Variants in NIN observed in about 807,000 individuals in gnomAD.
The protein encoded by NIN is glycogen synthase kinase 3 beta-interacting protein.
Under a neutral mutation model 257.6 loss-of-function variants are expected in NIN, and 137 were observed. The ratio of observed to expected loss-of-function variants is 0.53; its 90% CI spans 0.46 to 0.61. NIN has a LOEUF of 0.61. Among genes scored for constraint, NIN ranks in the 20% least tolerant of loss-of-function variants. The pLI is 0.00. For synonymous variants in NIN, 918 were observed against 919.8 expected (o/e 1.00, Z 0.04); for missense variants, 2,439 against 2,501.2 (o/e 0.98, Z 0.53).
intron 2 of NIN, among the ~76,000 whole-genome samples, chr14:50,826,909 C>T (rs2045481747): frequency 1.3e-5 from 2 of 152,192 alleles, no homozygotes. Flanking sequence ...GCTTTTGGAC[C>T]TGTGTGCAGA....
rs1382332729 is a variant in NIN, at chr14:50,737,643, G to GT, written c.5775+496dup. On this transcript the variant is annotated intron_variant, in intron 27 of 30. Coordinates refer to ENST00000530997, the MANE Select transcript of NIN (RefSeq NM_020921.4). ...GAAGCTTAAATTGTGGTTTTTTGTT[G>GT]TTGTTTTTTTTTTTTTTTTTTAAAC... Among the ~76,000 whole-genome samples, 6 of 120,150 alleles carry GT rather than the reference G, an allele frequency of 5.0e-5. No individual in the cohort carries two copies. The Admixed American group carries it at 5.2e-4, about 10-fold the overall frequency. The allele number at this position is 120,150 out of a possible 152,430, so 78.8% of individuals were successfully genotyped here.
chr14:50,749,130 A>C (rs1307570439), intron 21 of NIN, among the ~76,000 whole-genome samples: 1 of 152,214 alleles, frequency 6.6e-6, no homozygotes, highest in Non-Finnish European at 1.5e-5. Context: ...CCAATGGAAC[A>C]GAACAGAGGC....
intron 15 of NIN, 76 bp from the exon 16 acceptor site, chr14:50,761,987 C>T (rs1009426546): frequency 1.3e-4 from 190 of 1,470,736 alleles, no homozygotes; most frequent in Non-Finnish European, 1.6e-4. Context: ...GGAGGGACAT[C>T]CAGTTTAACT....
At chr14:50,736,372 C>T (rs2040980234) in intron 27 of NIN, among the ~76,000 whole-genome samples, 1 of 151,958 alleles carries the variant, frequency 6.6e-6, no homozygotes. Context: ...CTCCTGACCT[C>T]GTGATCTGCC....
chr14:50,756,535 G>T lies in NIN; in HGVS notation c.4495C>A (p.Gln1499Lys). ...EELKAMMHDL[Q>K]ITCSEMQQKV... ...TGCTGCATCTCACTGCACGTGATCT[G>T]CAAGTCATGCATCATTGCCTTCAGC... The change falls in exon 18 of 31, where the codon CAG becomes AAG. Residue 1499 changes from glutamine (Q) to lysine (K), a missense_variant. This residue lies in a region of NIN where 2,043 missense variants were observed against 2,050.2 expected (regional missense o/e 1.00). Coordinates refer to ENST00000530997, the MANE Select transcript of NIN (RefSeq NM_020921.4). The T allele has an allele frequency of 6.2e-7, 1 of 1,612,230 alleles. No homozygotes were observed. The highest frequency in any genetic ancestry group is 8.5e-7 in the Non-Finnish European group (1 of 1,179,406).
rs1160857791 is a variant in NIN at position 50,756,899 on chromosome 14, A to G, written c.4131T>C (p.Val1377=). The stretch of plus-strand genomic sequence containing the variant: ...CCTCTATGACATGATGTACACTCCT[A>G]ACCCTGGGCACACACTCTTCCAGTG... The part of the protein sequence containing the change: ...NQTLEECVPR[V]RSVHHVIEEC... Residue 1377 remains valine, a synonymous_variant, in exon 18 of 31, where the codon GTT becomes GTC. Transcript: ENST00000530997. The G allele has an allele frequency of 6.4e-7, 1 of 1,557,014 alleles. No homozygotes were observed. The highest frequency in any genetic ancestry group is 8.7e-7 in the Non-Finnish European group (1 of 1,149,188).
At chr14:50,798,541 A>G (rs1459824519) in intron 4 of NIN, among the ~76,000 whole-genome samples, 2 of 152,214 alleles carry the variant, frequency 1.3e-5, no homozygotes, top group African/African-American at 2.4e-5. Flanking sequence ...GTTGATAATG[A>G]TTATATAATT....
intron 4 of NIN, among the ~76,000 whole-genome samples, chr14:50,800,351 T>C (rs1366349034): frequency 6.6e-6 from 1 of 152,224 alleles, no homozygotes; most frequent in African/African-American, 2.4e-5. Flanking sequence ...TTAGGAAATC[T>C]GAAGTATATC....
chr14:50,726,741 GGA>G (rs936296787), intron 29 of NIN, among the ~76,000 whole-genome samples: 9 of 152,282 alleles, frequency 5.9e-5, no homozygotes, highest in African/African-American at 2.2e-4. Flanking sequence ...GTTTTGGAGA[GGA>G]GAGAGACCTA....
intron 8 of NIN, 109 bp from the exon 9 acceptor site, chr14:50,772,577 AGTGCCAGG>A: frequency 2.1e-6 from 2 of 958,224 alleles, no homozygotes; most frequent in Admixed American, 2.3e-5. Flanking sequence ...TCTAATATAC[AGTGCCAGG>A]AAAAAAGTCA....
At position 50,757,748 on chromosome 14, in the gene NIN, C is replaced by G; in HGVS notation, c.3282G>C (p.Arg1094Ser). The G allele has an allele frequency of 1.9e-6, 3 of 1,614,178 alleles. No individual in the cohort carries two copies. The highest frequency in any genetic ancestry group is 2.5e-6 in the Non-Finnish European group (3 of 1,180,040). The part of the protein sequence containing the change: ...MATEISRLQQ[R>S]LQKLEPGLVM... ...CTAACCCTGGCTCTAACTTTTGTAG[C>G]CTCTGTTGCAATCTAGAAATTTCAG... Residue 1094 changes from arginine to serine, a missense_variant, in exon 18 of 31, where the codon AGG becomes AGC. Arg to Ser is a moderately radical substitution (Grantham distance 110). Coordinates refer to ENST00000530997, the MANE Select transcript of NIN (RefSeq NM_020921.4).
At chr14:50,758,718 G>T in intron 17 of NIN, 88 bp from the exon 18 acceptor site, 1 of 1,258,638 alleles carries the variant, frequency 7.9e-7, no homozygotes, top group Non-Finnish European at 1.1e-6. Flanking sequence ...TGAGAAAGCT[G>T]CTGAGCAAAC....
chr14:50,747,754 G>A (rs1316190105), intron 22 of NIN, among the ~76,000 whole-genome samples: 1 of 151,430 alleles, frequency 6.6e-6, no homozygotes, highest in African/African-American at 2.4e-5. Context: ...AAAAAAAGGG[G>A]GGGATTTTAG....
intron 6 of NIN, 73 bp downstream of exon 6, chr14:50,778,692 C>T: frequency 1.5e-6 from 2 of 1,326,592 alleles, no homozygotes; most frequent in South Asian, 2.3e-5. Context: ...CATAAGAGAT[C>T]AGAAAGACCG....
chr14:50,722,707 G>A lies in NIN; in HGVS notation c.*756C>T, dbSNP rs770221734. On this transcript the variant is annotated 3_prime_UTR_variant, in exon 31 of 31. Transcript: ENST00000530997. ...TCAGTGCTTTCCCTATAGTTCAACTGCTTTAATTATGTGGCTTTATCCGTT... is the reference window on the plus strand; with the variant it reads ...TCAGTGCTTTCCCTATAGTTCAACTACTTTAATTATGTGGCTTTATCCGTT... The A allele has an allele frequency of 3.7e-5, 8 of 216,888 alleles. No individual in the cohort carries two copies. The highest frequency in any genetic ancestry group is 6.5e-5 in the Non-Finnish European group (7 of 107,486). The allele number at this position is 216,888 out of a possible 1,614,324, so 13.4% of individuals were successfully genotyped here.
chr14:50,729,844 A>T, intron 28 of NIN, 121 bp from the exon 29 acceptor site: 1 of 699,114 alleles, frequency 1.4e-6, no homozygotes, highest in African/African-American at 1.8e-5. Flanking sequence ...GACCCACTGA[A>T]ACTTGGAAAC....
In NIN at chr14:50,757,339, G is replaced by C. The variant is rs532609650; in HGVS notation, c.3691C>G (p.Leu1231Val). Residue 1231 changes from leucine (L) to valine (V), a missense_variant, in exon 18 of 31, where the codon CTA becomes GTA. This residue lies in a region of NIN where 2,043 missense variants were observed against 2,050.2 expected (regional missense o/e 1.00). Transcript: ENST00000530997. Reference sequence around the variant, plus strand: ...TCAAGCATCTTCAGTTTCTTTTTTAGCACAGAAACATCAAAAAGTAGGTCC... The same window carrying C: ...TCAAGCATCTTCAGTTTCTTTTTTACCACAGAAACATCAAAAAGTAGGTCC... ...KQDLLFDVSV[L>V]KKKLKMLERI... 7 of 1,613,634 alleles carry C rather than the reference G, an allele frequency of 4.3e-6. No homozygotes were observed. The East Asian group carries it at 1.3e-4, about 31-fold the overall frequency.
At position 50,722,133 on chromosome 14, in the gene NIN, G is replaced by A. The variant is rs1003180366; in HGVS notation, c.*1330C>T. The A allele has an allele frequency of 9.6e-5, 17 of 176,474 alleles. No individual in the cohort carries two copies. Among genetic ancestry groups the A allele is most frequent in the African/African-American group, 6.3e-4 (15 of 23,762 alleles). The allele number at this position is 176,474 out of a possible 1,614,324, so 10.9% of individuals were successfully genotyped here. A position where few individuals can be genotyped will look rare whatever the true frequency, so the allele number is the denominator to read the frequency against. On this transcript the variant is annotated 3_prime_UTR_variant, in exon 31 of 31. Transcript: ENST00000530997. ...AGTAAGTCTTCCACCAACTGCTGGC[G>A]GAAGTGGCTAGCAGAGATTATAATT...
chr14:50,795,626 G>A (rs1309402660), intron 4 of NIN, among the ~76,000 whole-genome samples: 1 of 152,174 alleles, frequency 6.6e-6, no homozygotes, highest in African/African-American at 2.4e-5. Flanking sequence ...ACATCCAGAT[G>A]GAACCTTTAT....
Sources: gnomAD v4.1 joint callset for allele counts (sites outside exome capture counted in the v4.1 genomes callset) on GRCh38, gnomAD v4.1.1 for gene constraint, gnomAD v4.1.1 regional missense constraint, MANE v1.5 for transcripts, NCBI Gene and HGNC (gene_info 2026-07-23, HGNC 2026-07-21) for gene names.